Variants in SYNM observed in about 807,000 individuals in gnomAD.
The protein encoded by SYNM is synemin.
In SYNM, 95 loss-of-function variants were observed where a neutral mutation model predicts 104.0. The ratio of observed to expected loss-of-function variants is 0.91; its 90% CI spans 0.77 to 1.08. SYNM has a LOEUF of 1.08. SYNM is among the 50% of genes least tolerant of loss of function. The pLI is 0.00. For missense variants in SYNM, 2,150 were observed against 2,052.2 expected, an observed-to-expected ratio of 1.05 and a Z score of -0.92; for synonymous variants, 918 against 869.0, an observed-to-expected ratio of 1.06 and a Z score of -0.99.
At chr15:99,107,828 C>A (rs1235917259) in intron 1 of SYNM, among the ~76,000 whole-genome samples, 1 of 152,104 alleles carries the variant, frequency 6.6e-6, no homozygotes, top group Non-Finnish European at 1.5e-5. Flanking sequence ...GAGGCTGGGA[C>A]CCCACTCTCC....
Position 99,129,563 on chromosome 15 carries a change from G to T in SYNM, c.1203G>T (p.Ser401=). The T allele has an allele frequency of 6.2e-7, 1 of 1,613,930 alleles. No individual in the cohort carries two copies. Among genetic ancestry groups the T allele is most frequent in the Non-Finnish European group, 8.5e-7 (1 of 1,179,896 alleles). Residue 401 remains serine, a synonymous_variant, in exon 4 of 4, where the codon TCG becomes TCT. Coordinates refer to ENST00000336292, the MANE Select transcript of SYNM (RefSeq NM_145728.3). ...GGDARRGFLG[S]GYSSSATTQQ... ...ATGCCAGAAGAGGCTTCTTGGGCTC[G>T]GGATATTCTTCCTCGGCCACTACCC... is the stretch of plus-strand genomic sequence containing the variant.
At position 99,131,943 on chromosome 15, in the gene SYNM, G is replaced by A. The variant is rs782341259; in HGVS notation, c.3583G>A (p.Ala1195Thr). Residue 1195 changes from alanine (A) to threonine (T), a missense_variant, in exon 4 of 4, where the codon GCC becomes ACC. Transcript: ENST00000336292. This position sits in a 1 kb window ranked among gnomAD's most constrained non-coding sequence, Gnocchi z 4.3. ...REVIFLGPAP[A>T]CPEAWGSPEP... ...AGTCATCTTCCTAGGCCCTGCCCCT[G>A]CCTGTCCAGAGGCATGGGGCTCGCC... 6.2e-6 allele frequency: 10 copies of A among 1,613,700 alleles called. No individual in the cohort carries two copies. In the Admixed American group the frequency reaches 1.7e-4, roughly 27 times the overall value.
At chr15:99,122,713 C>T (rs574750213) in intron 2 of SYNM, among the ~76,000 whole-genome samples, 1 of 152,248 alleles carries the variant, frequency 6.6e-6, no homozygotes, top group Admixed American at 6.5e-5. Flanking sequence ...GTGGCACGTG[C>T]CTGTAGTCCC....
intron 1 of SYNM, among the ~76,000 whole-genome samples, chr15:99,108,541 A>T (rs2067270675): frequency 6.6e-6 from 1 of 152,158 alleles, no homozygotes; most frequent in South Asian, 2.1e-4. Context: ...AAATGGGTTG[A>T]ATTAGTATAT....
intron 2 of SYNM, among the ~76,000 whole-genome samples, chr15:99,117,569 TATTTTCTTTCTGTA>T (rs1409578250): frequency 6.6e-6 from 1 of 152,248 alleles, no homozygotes; most frequent in African/African-American, 2.4e-5. Flanking sequence ...TGGATTTTTC[TATTTTCTTTCTGTA>T]ATAGTTCTCT....
rs2067512304 is a variant in SYNM at position 99,131,834 on chromosome 15, AAGTC to A, written c.3477_3480del (p.Ser1159ArgfsTer12). The stretch of plus-strand genomic sequence containing the variant: ...TGGAGGTAAGTGCGGGAGGTGACCT[AAGTC>A]AGGCAGCGAGCCCGACCGGAGCCAG... On this transcript the variant is annotated frameshift_variant, in exon 4 of 4. Transcript: ENST00000336292. LOFTEE classifies it high-confidence loss of function. This position sits in a 1 kb window ranked among gnomAD's most constrained non-coding sequence, Gnocchi z 4.3. 4 of 1,613,898 alleles carry A rather than the reference AAGTC, an allele frequency of 2.5e-6. No homozygotes were observed. Among genetic ancestry groups the A allele is most frequent in the East Asian group, 2.2e-5 (1 of 44,888 alleles).
At chr15:99,113,280 A>G (rs1193574907) in intron 1 of SYNM, among the ~76,000 whole-genome samples, 2 of 152,210 alleles carry the variant, frequency 1.3e-5, no homozygotes, top group African/African-American at 4.8e-5. Context: ...GGCTCTCCTA[A>G]GCAGCCTGAT....
At position 99,105,895 on chromosome 15, in the gene SYNM, G is replaced by A. The variant is rs1435504580; in HGVS notation, c.696G>A (p.Gln232=). The stretch of plus-strand genomic sequence containing the variant: ...AGGAAGAGACGCGGCTGTGCGCGCA[G>A]GAGGCAGAGGCGCTGCGGCGCGAGG... ...QAEEETRLCA[Q]EAEALRREAL... is the part of the protein sequence containing the mutation. The change falls in exon 1 of 4, where the codon CAG becomes CAA. Residue 232 remains glutamine (Q), a synonymous_variant. Coordinates refer to ENST00000336292, the MANE Select transcript of SYNM (RefSeq NM_145728.3). 1.3e-5 allele frequency: 20 copies of A among 1,537,332 alleles called. No homozygotes were observed. Among genetic ancestry groups the A allele is most frequent in the Non-Finnish European group, 1.7e-5 (19 of 1,145,532 alleles).
intron 3 of SYNM, among the ~76,000 whole-genome samples, chr15:99,127,499 A>T (rs2067458546): frequency 6.6e-6 from 1 of 152,158 alleles, no homozygotes; most frequent in African/African-American, 2.4e-5. Context: ...TTACGTATAG[A>T]ATGTTGAGTT....
intron 2 of SYNM, among the ~76,000 whole-genome samples, chr15:99,125,192 A>G (rs2067435634): frequency 6.6e-6 from 1 of 152,196 alleles, no homozygotes; most frequent in South Asian, 2.1e-4. Context: ...CTTTCTCCCC[A>G]CGCCCTGCCC....
chr15:99,131,383 CTG>C lies in SYNM; in HGVS notation c.3026_3027del (p.Val1009GlyfsTer14), dbSNP rs1555485851. On this transcript the variant is annotated frameshift_variant, in exon 4 of 4. Coordinates refer to ENST00000336292, the MANE Select transcript of SYNM (RefSeq NM_145728.3). LOFTEE classifies it high-confidence loss of function. The surrounding 1 kb of genome is among the most constrained non-coding windows in gnomAD (Gnocchi z 4.3). The stretch of plus-strand genomic sequence containing the variant: ...GTTGCTGAAGTCAACGTCTCACAAA[CTG>C]TGGATGCCGATCGGTTAGACCTGGA... 3 of 1,612,892 alleles carry C rather than the reference CTG, an allele frequency of 1.9e-6. No individual in the cohort carries two copies. Among genetic ancestry groups the C allele is most frequent in the African/African-American group, 1.3e-5 (1 of 74,896 alleles).
Position 99,105,284 on chromosome 15 carries a change from G to A in SYNM, c.85G>A (p.Val29Met), listed in dbSNP as rs1247076812. 3.2e-6 allele frequency: 5 copies of A among 1,555,842 alleles called. No homozygotes were observed. In the African/African-American group the frequency reaches 6.8e-5, roughly 21 times the overall value. Reference sequence around the variant, plus strand: ...CCGGCTCTATGACTACGTGTGTCGGGTGCGGGAGCTGGAGCGCGAAAACCT... The same window carrying A: ...CCGGCTCTATGACTACGTGTGTCGGATGCGGGAGCTGGAGCGCGAAAACCT... ...NARLYDYVCRVRELERENLLL... is the reference protein window; with the variant it reads ...NARLYDYVCRMRELERENLLL... Residue 29 changes from valine (V) to methionine (M), a missense_variant, in exon 1 of 4, where the codon GTG (valine) becomes ATG (methionine). Coordinates refer to ENST00000336292, the MANE Select transcript of SYNM (RefSeq NM_145728.3).
chr15:99,112,965 C>T (rs781838733), intron 1 of SYNM, among the ~76,000 whole-genome samples: 1 of 152,226 alleles, frequency 6.6e-6, no homozygotes, highest in Non-Finnish European at 1.5e-5. Context: ...CCCGCTTCGG[C>T]CTCCCAAAGT....
rs1555482293 is a variant in SYNM at position 99,105,167 on chromosome 15, G to A, written c.-33G>A. The A allele has an allele frequency of 1.3e-6, 2 of 1,558,956 alleles. No individual in the cohort carries two copies. Among genetic ancestry groups the A allele is most frequent in the Admixed American group, 3.7e-5 (2 of 53,606 alleles). On this transcript the variant is annotated 5_prime_UTR_variant, in exon 1 of 4. Coordinates refer to ENST00000336292, the MANE Select transcript of SYNM (RefSeq NM_145728.3). ...GACAAGACCAGGGCAGGAGGGAGCC[G>A]GCCAGCCGCGAGAACCCCGCACGCC...
chr15:99,127,060 A>G (rs1368013024), intron 3 of SYNM, among the ~76,000 whole-genome samples: 2 of 152,210 alleles, frequency 1.3e-5, no homozygotes, highest in Admixed American at 1.3e-4. Context: ...GGCACTGGGC[A>G]GTGTGAGGGC....
intron 1 of SYNM, among the ~76,000 whole-genome samples, chr15:99,113,315 A>G (rs2067316845): frequency 6.6e-6 from 1 of 152,234 alleles, no homozygotes; most frequent in Admixed American, 6.5e-5. Flanking sequence ...GATGATTTGA[A>G]TAAACTCCTA....
chr15:99,139,004 G>T (rs2067891107), downstream of SYNM: 1 of 425,484 alleles, frequency 2.4e-6, no homozygotes, highest in East Asian at 5.3e-5. Context: ...GCCGGAAGCA[G>T]GGCTGCAGGA....
Position 99,105,288 on chromosome 15 carries a change from G to C in SYNM, c.89G>C (p.Arg30Pro). 1.9e-6 allele frequency: 3 copies of C among 1,553,220 alleles called. No homozygotes were observed. The highest frequency in any genetic ancestry group is 2.6e-6 in the Non-Finnish European group (3 of 1,149,638). ...ARLYDYVCRV[R>P]ELERENLLLE... ...CTCTATGACTACGTGTGTCGGGTGCGGGAGCTGGAGCGCGAAAACCTACTC... is the reference window on the plus strand; with the variant it reads ...CTCTATGACTACGTGTGTCGGGTGCCGGAGCTGGAGCGCGAAAACCTACTC... The change falls in exon 1 of 4, where the codon CGG becomes CCG. Residue 30 changes from arginine to proline, a missense_variant. Physicochemically the swap from Arg to Pro is moderately radical, Grantham distance 103. Coordinates refer to ENST00000336292, the MANE Select transcript of SYNM (RefSeq NM_145728.3).
downstream of SYNM, chr15:99,137,870 T>C: frequency 7.3e-7 from 1 of 1,372,450 alleles, no homozygotes; most frequent in South Asian, 1.4e-5. Flanking sequence ...ATGGTCTCAC[T>C]GTTGCATGTT....
Sources: gnomAD v4.1 joint callset for allele counts (sites outside exome capture counted in the v4.1 genomes callset) on GRCh38, gnomAD v4.1.1 for gene constraint, Gnocchi (gnomAD v3.1) non-coding constraint, MANE v1.5 for transcripts, NCBI Gene and HGNC (gene_info 2026-07-23, HGNC 2026-07-21) for gene names.